Variants in LAMA2 observed in about 807,000 individuals in gnomAD.
LAMA2 encodes the protein laminin subunit alpha-2.
A neutral mutation model predicts 364.8 loss-of-function variants in LAMA2; 269 were observed. The observed-to-expected ratio is 0.74, with a 90% CI of 0.67 to 0.82. The LOEUF (loss-of-function observed/expected upper bound fraction) is 0.82. Among genes scored for constraint, LAMA2 ranks in the 40% least tolerant of loss-of-function variants. The pLI is 0.00. For missense variants in LAMA2, 3,807 were observed against 3,873.2 expected (o/e 0.98, Z 0.45); for synonymous variants, 1,379 against 1,370.6 (o/e 1.01, Z -0.14).
At chr6:129,071,244 A>G (rs1773286952) in intron 3 of LAMA2, among the ~76,000 whole-genome samples, 2 of 152,170 alleles carry the variant, frequency 1.3e-5, no homozygotes, top group Admixed American at 6.5e-5. Context: ...TTAATTTACA[A>G]TGATCTGTAG....
chr6:128,924,892 C>A (rs944548915), intron 1 of LAMA2, among the ~76,000 whole-genome samples: 1 of 152,176 alleles, frequency 6.6e-6, no homozygotes, highest in Non-Finnish European at 1.5e-5. Flanking sequence ...TTAAGTTTCA[C>A]ACCATATTGT....
At chr6:129,383,319 T>C in intron 35 of LAMA2, 86 bp downstream of exon 35, 1 of 1,034,688 alleles carries the variant, frequency 9.7e-7, no homozygotes, top group Non-Finnish European at 1.5e-6. Context: ...ATTTCTCTTG[T>C]TATAAGTGAC....
intron 48 of LAMA2, among the ~76,000 whole-genome samples, chr6:129,456,997 T>C (rs1783000524): frequency 6.6e-6 from 1 of 152,210 alleles, no homozygotes; most frequent in African/African-American, 2.4e-5. Context: ...AATTGCTTCA[T>C]GACAGTCCTT....
chr6:129,181,743 A>T (rs980192701), intron 10 of LAMA2, among the ~76,000 whole-genome samples: 2 of 151,890 alleles, frequency 1.3e-5, no homozygotes, highest in African/African-American at 4.8e-5. Flanking sequence ...AGAAGTTGCC[A>T]AAGAAGAGAT....
chr6:128,997,218 G>A (rs1362567263), intron 1 of LAMA2, among the ~76,000 whole-genome samples: 1 of 151,830 alleles, frequency 6.6e-6, no homozygotes, highest in Non-Finnish European at 1.5e-5. Flanking sequence ...AACCACCATG[G>A]CACATGTATT....
chr6:129,296,182 G>T (rs2114446615), intron 20 of LAMA2, among the ~76,000 whole-genome samples: 1 of 151,984 alleles, frequency 6.6e-6, no homozygotes, highest in South Asian at 2.1e-4. Flanking sequence ...GTACAGTTAA[G>T]TGCCTGCATA....
Position 129,328,275 on chromosome 6 carries a change from C to A in LAMA2, c.4177-3C>A. On this transcript the variant is annotated splice_polypyrimidine_tract_variant and splice_region_variant and intron_variant, in intron 28 of 64. Transcript: ENST00000421865. ...TGTCCTAATTGGCTTCCTTTTCTTT[C>A]AGGCATGCTTGCCGGGATTTTATCG... is the stretch of plus-strand genomic sequence containing the variant. 1 of 1,613,992 alleles carries A rather than the reference C, an allele frequency of 6.2e-7. No individual in the cohort carries two copies. Among genetic ancestry groups the A allele is most frequent in the Non-Finnish European group, 8.5e-7 (1 of 1,179,870 alleles).
intron 12 of LAMA2, among the ~76,000 whole-genome samples, chr6:129,201,024 AT>A (rs1388771309): frequency 6.6e-6 from 1 of 152,190 alleles, no homozygotes; most frequent in Non-Finnish European, 1.5e-5. Context: ...TAATTGAATA[AT>A]AGTATCTAGA....
At chr6:128,950,534 T>C (rs1481666546) in intron 1 of LAMA2, among the ~76,000 whole-genome samples, 1 of 152,096 alleles carries the variant, frequency 6.6e-6, no homozygotes, top group Non-Finnish European at 1.5e-5. Context: ...CTCTACAAAG[T>C]GCCCACGTCA....
chr6:129,080,409 C>T (rs975783209), intron 3 of LAMA2, among the ~76,000 whole-genome samples: 23 of 152,198 alleles, frequency 1.5e-4, no homozygotes, highest in African/African-American at 5.3e-4. Context: ...ACAGAGGAGT[C>T]TTAGAATTTA....
At chr6:129,442,710 A>G (rs1261008187) in intron 43 of LAMA2, 2 of 331,256 alleles carry the variant, frequency 6.0e-6, no homozygotes, top group Non-Finnish European at 1.1e-5. Context: ...ATTCCATTCT[A>G]TTTTAGATTG....
Position 128,971,518 on chromosome 6 carries a change from G to A in LAMA2, c.113-78400G>A, listed in dbSNP as rs965568138. Among the ~76,000 whole-genome samples the A allele has an allele frequency of 4.6e-5, 7 of 152,292 alleles. No homozygotes were observed. The South Asian group carries it at 1.4e-3, about 32-fold the overall frequency. The stretch of plus-strand genomic sequence containing the variant: ...TAGAAAAGGTGGTACCTGTACAGGG[G>A]TTTGGAGGATGCATTGGTATTAAAT... On this transcript the variant is annotated intron_variant, in intron 1 of 64. Coordinates refer to ENST00000421865, the MANE Select transcript of LAMA2 (RefSeq NM_000426.4).
intron 3 of LAMA2, among the ~76,000 whole-genome samples, chr6:129,076,374 C>T (rs182154841): frequency 9.4e-4 from 138 of 147,222 alleles, no homozygotes; most frequent in Non-Finnish European, 1.6e-3. Context: ...CTTGGAAATA[C>T]CTAAACATAG....
In LAMA2 at chr6:129,057,678, T is replaced by A. The variant is rs928096876; in HGVS notation, c.284-2106T>A. 5.9e-5 allele frequency among the ~76,000 whole-genome samples: 9 copies of A among 152,286 alleles called. No individual in the cohort carries two copies. In the South Asian group the frequency reaches 6.2e-4, roughly 11 times the overall value. ...ATAATGTTGAATGATTTGTCTGTGG[T>A]CAGTTACGTACTAAGTGGTGGAGCC... On this transcript the variant is annotated intron_variant, in intron 2 of 64. Coordinates refer to ENST00000421865, the MANE Select transcript of LAMA2 (RefSeq NM_000426.4).
intron 12 of LAMA2, among the ~76,000 whole-genome samples, chr6:129,224,591 T>A (rs1035454653): frequency 6.6e-6 from 1 of 152,194 alleles, no homozygotes; most frequent in African/African-American, 2.4e-5. Context: ...TTTTCTGCAT[T>A]TATTGAGATA....
chr6:129,467,538 C>G (rs138285733), intron 51 of LAMA2, among the ~76,000 whole-genome samples: 1 of 151,816 alleles, frequency 6.6e-6, no homozygotes, highest in Non-Finnish European at 1.5e-5. Flanking sequence ...AAAATAAAGA[C>G]ATTCGGAACA....
chr6:129,242,944 CT>C (rs1785492818), intron 12 of LAMA2, among the ~76,000 whole-genome samples: 1 of 152,092 alleles, frequency 6.6e-6, no homozygotes, highest in African/African-American at 2.4e-5. Flanking sequence ...ACATCATCTT[CT>C]TCTATGTGAT....
intron 40 of LAMA2, among the ~76,000 whole-genome samples, chr6:129,407,110 G>A (rs1780284938): frequency 6.6e-6 from 1 of 152,156 alleles, no homozygotes; most frequent in Admixed American, 6.5e-5. Context: ...CACACTGGCA[G>A]CTTATTAGAT....
chr6:129,154,031 A>G (rs1399420374), intron 7 of LAMA2, among the ~76,000 whole-genome samples: 1 of 152,230 alleles, frequency 6.6e-6, no homozygotes, highest in Non-Finnish European at 1.5e-5. Context: ...TTCTATTAAA[A>G]TGTGTGAATT....
Sources: allele counts gnomAD v4.1 joint callset (sites outside exome capture counted in the v4.1 genomes callset), GRCh38; gene constraint gnomAD v4.1.1; transcripts MANE v1.5; gene names NCBI Gene and HGNC (gene_info 2026-07-23, HGNC 2026-07-21).